The following SYK variants were observed in gnomAD, a reference collection of about 807,000 sequenced individuals.
The protein encoded by SYK is tyrosine-protein kinase SYK.
A neutral mutation model predicts 77.8 loss-of-function variants in SYK; 16 were observed. The observed-to-expected ratio is 0.21, with a 90% CI of 0.14 to 0.31. SYK has a LOEUF of 0.31. Among genes scored for constraint, SYK ranks in the 10% least tolerant of loss-of-function variants. The pLI is 1.00. For synonymous variants in SYK, 312 were observed against 308.7 expected, an observed-to-expected ratio of 1.01 and a Z score of -0.11; for missense variants, 529 against 814.4, an observed-to-expected ratio of 0.65 and a Z score of 4.26.
At position 90,859,948 on chromosome 9, in the gene SYK, A is replaced by T. The variant is rs561076881; in HGVS notation, c.579-2258A>T. Among the ~76,000 whole-genome samples, 8 of 152,364 alleles carry T rather than the reference A, an allele frequency of 5.3e-5. No individual in the cohort carries two copies. In the East Asian group the frequency reaches 1.5e-3, roughly 29 times the overall value. ...GGTAAGATGGAGTACAGCAGATTGGACATGGATTCAGAAACCAGAGTTCAG... is the reference window on the plus strand; with the variant it reads ...GGTAAGATGGAGTACAGCAGATTGGTCATGGATTCAGAAACCAGAGTTCAG... On this transcript the variant is annotated intron_variant, in intron 3 of 13. Transcript: ENST00000375754.
At chr9:90,814,933 T>C (rs1024012902) in intron 1 of SYK, among the ~76,000 whole-genome samples, 1 of 152,110 alleles carries the variant, frequency 6.6e-6, no homozygotes, top group African/African-American at 2.4e-5. Flanking sequence ...GCAGCAGCCC[T>C]CCAAGCGGTA....
chr9:90,859,949 C>T (rs555144235), intron 3 of SYK, among the ~76,000 whole-genome samples: 5 of 152,306 alleles, frequency 3.3e-5, no homozygotes, highest in South Asian at 4.1e-4. Context: ...GCAGATTGGA[C>T]ATGGATTCAG....
At chr9:90,874,181 C>G in intron 7 of SYK, 23 bp from the exon 8 acceptor site, 1 of 1,595,894 alleles carries the variant, frequency 6.3e-7, no homozygotes, top group East Asian at 2.2e-5. Context: ...GAAAAACAAC[C>G]TGTTGTCCTT....
intron 3 of SYK, among the ~76,000 whole-genome samples, chr9:90,849,121 G>T (rs376861278): frequency 9.8e-5 from 15 of 152,336 alleles, no homozygotes; most frequent in Admixed American, 1.3e-4. Context: ...GGGCAAGTTG[G>T]GGGGGCTGTC....
At chr9:90,835,562 T>C (rs180772794) in intron 1 of SYK, among the ~76,000 whole-genome samples, 1 of 152,304 alleles carries the variant, frequency 6.6e-6, no homozygotes, top group Admixed American at 6.5e-5. Context: ...GTTCTCTTTG[T>C]CCTGTGCACA....
intron 11 of SYK, among the ~76,000 whole-genome samples, chr9:90,884,060 G>A (rs1049248717): frequency 2.6e-5 from 4 of 151,944 alleles, no homozygotes; most frequent in Non-Finnish European, 5.9e-5. Flanking sequence ...GTGTCACTGA[G>A]GCTGTTTATG....
chr9:90,845,648 T>G, intron 3 of SYK, 54 bp downstream of exon 3: 1 of 1,586,182 alleles, frequency 6.3e-7, no homozygotes, highest in East Asian at 2.2e-5. Flanking sequence ...TGTGGACAAT[T>G]GGGAATAATT....
intron 1 of SYK, among the ~76,000 whole-genome samples, chr9:90,834,448 A>T (rs1564080506): frequency 6.6e-6 from 1 of 152,162 alleles, no homozygotes. Flanking sequence ...CCCAGGTCAC[A>T]CAAAGCTGGG....
At chr9:90,881,928 G>GTT (rs1828175424) in intron 11 of SYK, among the ~76,000 whole-genome samples, 1 of 152,150 alleles carries the variant, frequency 6.6e-6, no homozygotes, top group Non-Finnish European at 1.5e-5. Context: ...GCTCCGCAGG[G>GTT]TTTGGTCCAA....
intron 1 of SYK, among the ~76,000 whole-genome samples, chr9:90,835,645 A>G (rs982762339): frequency 1.4e-4 from 21 of 152,288 alleles, no homozygotes; most frequent in Admixed American, 1.3e-3. Context: ...AGTGTTTTCC[A>G]ACAGAAGCAT....
chr9:90,893,024 G>A (rs1052470427), intron 13 of SYK, among the ~76,000 whole-genome samples: 10 of 152,208 alleles, frequency 6.6e-5, no homozygotes, highest in African/African-American at 2.4e-4. Context: ...TCACAGGGTC[G>A]GTGGCCACTG....
At chr9:90,841,526 G>A (rs972484014) in intron 1 of SYK, among the ~76,000 whole-genome samples, 1 of 80,854 alleles carries the variant, frequency 1.2e-5, no homozygotes, top group African/African-American at 4.5e-5. Context: ...GCATGTAGTG[G>A]GCATGTAGTA....
At chr9:90,802,815 T>TTAAAAAAAA (rs71509663) in intron 1 of SYK, among the ~76,000 whole-genome samples, 3 of 58,676 alleles carry the variant, frequency 5.1e-5, no homozygotes, top group African/African-American at 2.8e-4. Flanking sequence ...CAGCGTGTAG[T>TTAAAAAAAA]AAAAAAAAAA....
Position 90,878,884 on chromosome 9 carries a change from C to G in SYK, c.1512C>G (p.Thr504=), listed in dbSNP as rs1344898182. ...DLAARNVLLV[T]QHYAKISDFG... is the part of the protein sequence containing the mutation. The stretch of plus-strand genomic sequence containing the variant: ...CTGCAAGAAATGTGTTGCTAGTTAC[C>G]CAACATTACGCCAAGATCAGTGATT... The change falls in exon 11 of 14, where the codon ACC becomes ACG. Residue 504 remains threonine (T), a synonymous_variant. Transcript: ENST00000375754. The G allele has an allele frequency of 6.2e-7, 1 of 1,614,098 alleles. No homozygotes were observed. The highest frequency in any genetic ancestry group is 8.5e-7 in the Non-Finnish European group (1 of 1,179,978).
At chr9:90,859,054 G>A (rs1323255325) in intron 3 of SYK, among the ~76,000 whole-genome samples, 1 of 152,194 alleles carries the variant, frequency 6.6e-6, no homozygotes, top group Non-Finnish European at 1.5e-5. Context: ...CCTGGTACCA[G>A]CTCTCTTTTT....
chr9:90,878,008 C>CT (rs894762654), intron 10 of SYK, among the ~76,000 whole-genome samples: 27 of 152,112 alleles, frequency 1.8e-4, no homozygotes, highest in Non-Finnish European at 3.4e-4. Flanking sequence ...ACAGTTTTGT[C>CT]TTTTTTTTCT....
intron 1 of SYK, among the ~76,000 whole-genome samples, chr9:90,830,553 A>G (rs72729026): frequency 0.019 from 2,875 of 150,174 alleles, 94 homozygotes; most frequent in East Asian, 0.16. Flanking sequence ...CAGCAAGATC[A>G]ATTCTCCCTC....
intron 1 of SYK, among the ~76,000 whole-genome samples, chr9:90,816,829 A>G (rs968973526): frequency 6.6e-6 from 1 of 152,190 alleles, no homozygotes; most frequent in African/African-American, 2.4e-5. Flanking sequence ...CACTTTACAT[A>G]ACTTTCTCCA....
chr9:90,810,645 G>A (rs1825037347), intron 1 of SYK, among the ~76,000 whole-genome samples: 1 of 152,176 alleles, frequency 6.6e-6, no homozygotes, highest in South Asian at 2.1e-4. Context: ...TGAGCCTGCT[G>A]TACAGATGAT....
Sources: allele counts gnomAD v4.1 joint callset (sites outside exome capture counted in the v4.1 genomes callset), GRCh38; gene constraint gnomAD v4.1.1; transcripts MANE v1.5; gene names NCBI Gene and HGNC (gene_info 2026-07-23, HGNC 2026-07-21).